The following POLR3H variants were observed in gnomAD, a reference collection of about 807,000 sequenced individuals.
POLR3H encodes RNA polymerase III subunit H.
In POLR3H, 17 loss-of-function variants were observed where a neutral mutation model predicts 25.5. The ratio of observed to expected loss-of-function variants is 0.67; its 90% CI spans 0.46 to 1.00. The LOEUF is 1.00. POLR3H is among the 50% of genes least tolerant of loss of function. The pLI is 0.00. For missense variants in POLR3H, 274 were observed against 265.0 expected (o/e 1.03, Z -0.24); for synonymous variants, 129 against 103.0 (o/e 1.25, Z -1.53).
At chr22:41,543,011 A>G (rs1264391511) in intron 1 of POLR3H, among the ~76,000 whole-genome samples, 1 of 152,112 alleles carries the variant, frequency 6.6e-6, no homozygotes, top group African/African-American at 2.4e-5. Flanking sequence ...TCTCACACAC[A>G]CAAACACAAA....
At chr22:41,540,640 T>C (rs779648294) in intron 2 of POLR3H, 59 bp downstream of exon 2, 12 of 1,337,418 alleles carry the variant, frequency 9.0e-6, no homozygotes, top group Non-Finnish European at 1.1e-5. Context: ...GGCTTGACCT[T>C]TGGCTACAGA....
intron 2 of POLR3H, among the ~76,000 whole-genome samples, chr22:41,536,069 C>A (rs922269187): frequency 1.0e-4 from 15 of 148,622 alleles, no homozygotes; most frequent in African/African-American, 3.5e-4. Context: ...GGACTACAGG[C>A]ATGAGCCACC....
intron 2 of POLR3H, among the ~76,000 whole-genome samples, chr22:41,534,708 A>G (rs1001806407): frequency 6.6e-6 from 1 of 152,064 alleles, no homozygotes; most frequent in African/African-American, 2.4e-5. Context: ...CCTGGCCGAC[A>G]TAGTGAAACC....
In POLR3H at chr22:41,528,710, A is replaced by G. The variant is rs975000708; in HGVS notation, c.*573T>C. ...TCCAGCCATGGCTTCCTATTCCAAG[A>G]TGGTGTGACCAGACATGCTTCCTGC... is the stretch of plus-strand genomic sequence containing the variant. On this transcript the variant is annotated 3_prime_UTR_variant, in exon 6 of 6. Transcript: ENST00000355209. The G allele has an allele frequency of 1.1e-5, 17 of 1,499,906 alleles. No homozygotes were observed. In the East Asian group the frequency reaches 1.2e-4, roughly 11 times the overall value. 92.9% of individuals were successfully genotyped at this position (1,499,906 alleles called of 1,614,324 possible). A position where few individuals can be genotyped will look rare whatever the true frequency, so the allele number is the denominator to read the frequency against.
At position 41,527,308 on chromosome 22, in the gene POLR3H, G is replaced by T. The variant is rs370388576; in HGVS notation, c.*1975C>A. 50 of 1,614,074 alleles carry T rather than the reference G, an allele frequency of 3.1e-5. 1 individual carries two copies. Among genetic ancestry groups the T allele is most frequent in the Non-Finnish European group, 4.1e-5 (48 of 1,180,032 alleles). On this transcript the variant is annotated 3_prime_UTR_variant, in exon 6 of 6. Transcript: ENST00000355209. ...GACAGAAACATGGCATCAGGTGGGT[G>T]GTGATCGGAGACGAGAACTACGGCG...
At position 41,540,680 on chromosome 22, in the gene POLR3H, AG is replaced by A; in HGVS notation, c.208+18del. 6.3e-7 allele frequency: 1 copy of A among 1,587,766 alleles called. No individual in the cohort carries two copies. Among genetic ancestry groups the A allele is most frequent in the Non-Finnish European group, 8.7e-7 (1 of 1,155,934 alleles). The stretch of plus-strand genomic sequence containing the variant: ...TGAGCCCCAAGAAGCCCAATGCCCC[AG>A]GGACAGAAGATACCCACCTTTGGTG... On this transcript the variant is annotated intron_variant, in intron 2 of 5. Transcript: ENST00000355209.
intron 2 of POLR3H, among the ~76,000 whole-genome samples, chr22:41,533,362 A>G (rs1786611617): frequency 6.6e-6 from 1 of 152,080 alleles, no homozygotes; most frequent in Non-Finnish European, 1.5e-5. Flanking sequence ...TCGAAGCCCC[A>G]AAGTAGGAGT....
In POLR3H at chr22:41,544,340, C is replaced by A; in HGVS notation, c.-239G>T. 1 of 404,018 alleles carries A rather than the reference C, an allele frequency of 2.5e-6. No individual in the cohort carries two copies. 25.0% of individuals were successfully genotyped at this position (404,018 alleles called of 1,614,324 possible). ...CCACAGCTCCGGGTGCGCGCCCGCG[C>A]CGCGAGACCCCGCCACGCCACGCCA... On this transcript the variant is annotated 5_prime_UTR_variant, in exon 1 of 6. Coordinates refer to ENST00000355209, the MANE Select transcript of POLR3H (RefSeq NM_001018050.4).
chr22:41,531,943 GT>G (rs1377527691), intron 4 of POLR3H, 150 bp downstream of exon 4: 3 of 644,346 alleles, frequency 4.7e-6, no homozygotes, highest in Non-Finnish European at 8.3e-6. Context: ...AGACAGGCTG[GT>G]GCCTCTGGAG....
chr22:41,538,555 C>T (rs949592155), intron 2 of POLR3H, among the ~76,000 whole-genome samples: 1 of 152,164 alleles, frequency 6.6e-6, no homozygotes, highest in Admixed American at 6.5e-5. Context: ...CCACCACACC[C>T]GGCCGCAACT....
In POLR3H at chr22:41,528,470, T is replaced by A. The variant is rs2066651805; in HGVS notation, c.*813A>T. 6.2e-7 allele frequency: 1 copy of A among 1,611,566 alleles called. No homozygotes were observed. Among genetic ancestry groups the A allele is most frequent in the Non-Finnish European group, 8.5e-7 (1 of 1,179,794 alleles). On this transcript the variant is annotated 3_prime_UTR_variant, in exon 6 of 6. Coordinates refer to ENST00000355209, the MANE Select transcript of POLR3H (RefSeq NM_001018050.4). ...ACCACTTCCACCCACACCCACCTTC[T>A]CCTTGCAGCCCCTGAAGTGCATCAT...
Position 41,528,352 on chromosome 22 carries a change from G to C in POLR3H, c.*931C>G. The stretch of plus-strand genomic sequence containing the variant: ...GACCTGGGCCATCAGGCACAGACTG[G>C]CCTAGGATTTGGTTTGCCTGCTGAC... On this transcript the variant is annotated 3_prime_UTR_variant, in exon 6 of 6. Transcript: ENST00000355209. 2 of 1,358,376 alleles carry C rather than the reference G, an allele frequency of 1.5e-6. No individual in the cohort carries two copies. The highest frequency in any genetic ancestry group is 2.0e-6 in the Non-Finnish European group (2 of 1,007,446). The allele number at this position is 1,358,376 out of a possible 1,614,324, so 84.1% of individuals were successfully genotyped here.
Position 41,532,640 on chromosome 22 carries a change from G to C in POLR3H, c.295+19C>G. 2 of 1,614,016 alleles carry C rather than the reference G, an allele frequency of 1.2e-6. No individual in the cohort carries two copies. The highest frequency in any genetic ancestry group is 2.2e-5 in the East Asian group (1 of 44,868). On this transcript the variant is annotated intron_variant, in intron 3 of 5. Coordinates refer to ENST00000355209, the MANE Select transcript of POLR3H (RefSeq NM_001018050.4). ...ACAGTGTTCCCAAGTCTTGTCTGAG[G>C]CGTCAGGGCCACTGTTACCGTGCAC...
At position 41,527,333 on chromosome 22, in the gene POLR3H, G is replaced by A. The variant is rs2066622306; in HGVS notation, c.*1950C>T. 2.5e-6 allele frequency: 4 copies of A among 1,614,100 alleles called. No individual in the cohort carries two copies. The highest frequency in any genetic ancestry group is 3.4e-6 in the Non-Finnish European group (4 of 1,180,024). ...GGTGATCGGAGACGAGAACTACGGC[G>A]AGGGCTCGAGCCGGGAGCATGCAGC... is the stretch of plus-strand genomic sequence containing the variant. On this transcript the variant is annotated 3_prime_UTR_variant, in exon 6 of 6. Coordinates refer to ENST00000355209, the MANE Select transcript of POLR3H (RefSeq NM_001018050.4).
intron 2 of POLR3H, chr22:41,539,727 T>A (rs993202445): frequency 6.6e-6 from 1 of 152,402 alleles, no homozygotes; most frequent in Non-Finnish European, 1.5e-5. Flanking sequence ...AAGCCCAGCC[T>A]GGCCTACTGA....
chr22:41,529,810 G>T (rs944815424), intron 5 of POLR3H: 2 of 415,990 alleles, frequency 4.8e-6, no homozygotes, highest in South Asian at 1.7e-5. Context: ...GGCTGGAGTG[G>T]AGTGGCACGA....
chr22:41,542,105 C>T (rs1601968301), intron 1 of POLR3H, among the ~76,000 whole-genome samples: 2 of 149,938 alleles, frequency 1.3e-5, no homozygotes, highest in African/African-American at 4.9e-5. Context: ...TTTTTTGAAG[C>T]GAAGTTTCAC....
At position 41,527,740 on chromosome 22, in the gene POLR3H, C is replaced by T; in HGVS notation, c.*1543G>A. 1 of 1,204,150 alleles carries T rather than the reference C, an allele frequency of 8.3e-7. No homozygotes were observed. The highest frequency in any genetic ancestry group is 1.5e-5 in the South Asian group (1 of 67,224). The allele number at this position is 1,204,150 out of a possible 1,614,324, so 74.6% of individuals were successfully genotyped here. A position where few individuals can be genotyped will look rare whatever the true frequency, so the allele number is the denominator to read the frequency against. ...CACCAGCGCACACTTGCTAGGGGCA[C>T]CCCTAGTGAAAGGGAGCAGACCAGG... On this transcript the variant is annotated 3_prime_UTR_variant, in exon 6 of 6. Coordinates refer to ENST00000355209, the MANE Select transcript of POLR3H (RefSeq NM_001018050.4).
At chr22:41,533,181 C>A (rs2066775668) in intron 2 of POLR3H, among the ~76,000 whole-genome samples, 2 of 152,228 alleles carry the variant, frequency 1.3e-5, no homozygotes, top group Non-Finnish European at 2.9e-5. Flanking sequence ...TTGTGAGGCG[C>A]AGGCCAGCAG....
Sources: allele counts gnomAD v4.1 joint callset (sites outside exome capture counted in the v4.1 genomes callset), GRCh38; gene constraint gnomAD v4.1.1; transcripts MANE v1.5; gene names NCBI Gene and HGNC (gene_info 2026-07-23, HGNC 2026-07-21).